The following PRIM2 variants were observed in gnomAD, a reference collection of about 807,000 sequenced individuals.
PRIM2 encodes DNA primase subunit 2, also known as DNA primase large subunit.
In PRIM2, 39 loss-of-function variants were observed where a neutral mutation model predicts 67.3. The observed-to-expected ratio is 0.58, with a 90% CI of 0.45 to 0.76. The LOEUF (loss-of-function observed/expected upper bound fraction) is 0.76. Among genes scored for constraint, PRIM2 ranks in the 30% least tolerant of loss-of-function variants. The pLI is 0.00. For missense variants in PRIM2, 398 were observed against 598.7 expected, an observed-to-expected ratio of 0.66 and a Z score of 3.50; for synonymous variants, 143 against 198.7, an observed-to-expected ratio of 0.72 and a Z score of 2.36.
At chr6:57,423,206 G>T (rs377326646) in intron 7 of PRIM2, among the ~76,000 whole-genome samples, 1 of 152,036 alleles carries the variant, frequency 6.6e-6, no homozygotes, top group South Asian at 2.1e-4. Flanking sequence ...AATAATTTAT[G>T]GTAGTTTTTT....
the PRIM2 span, among the ~76,000 whole-genome samples, chr6:57,274,040 G>A: frequency 2.0e-5 from 3 of 152,064 alleles, no homozygotes; most frequent in Non-Finnish European, 4.4e-5. Flanking sequence ...CGCCCCTACT[G>A]GGGGGTGCCT....
At chr6:57,264,897 CTTT>C in the PRIM2 span, among the ~76,000 whole-genome samples, 7 of 152,198 alleles carry the variant, frequency 4.6e-5, no homozygotes, top group East Asian at 9.7e-4. Context: ...GCGTCAAAAA[CTTT>C]TAAGAATGTA....
chr6:57,241,893 C>G, the PRIM2 span, among the ~76,000 whole-genome samples: 2 of 151,960 alleles, frequency 1.3e-5, no homozygotes, highest in Non-Finnish European at 1.5e-5. Flanking sequence ...AGGATGGTCT[C>G]GATCTCCTGA....
chr6:57,240,117 G>A, the PRIM2 span, among the ~76,000 whole-genome samples: 1 of 52,868 alleles, frequency 1.9e-5, no homozygotes, highest in African/African-American at 8.1e-5. Context: ...TTTTTTTTTT[G>A]AGACGGAGTT....
At chr6:57,280,779 T>C in the PRIM2 span, among the ~76,000 whole-genome samples, 2 of 152,182 alleles carry the variant, frequency 1.3e-5, no homozygotes, top group African/African-American at 4.8e-5. Context: ...AGTGCTGGGA[T>C]TACAGGCGTG....
intron 7 of PRIM2, chr6:57,383,508 G>C: frequency 6.7e-6 from 1 of 149,218 alleles, no homozygotes; most frequent in South Asian, 2.1e-4. Flanking sequence ...ATTTATGCCT[G>C]TGACAATGTC....
chr6:57,591,584 T>A (rs1462367568), intron 10 of PRIM2, among the ~76,000 whole-genome samples: 1 of 152,010 alleles, frequency 6.6e-6, no homozygotes, highest in African/African-American at 2.4e-5. Context: ...TTCTTGAAGG[T>A]AAGAAACACC....
intron 3 of PRIM2, among the ~76,000 whole-genome samples, chr6:57,323,056 G>C (rs952187419): frequency 4.6e-5 from 7 of 151,600 alleles, no homozygotes; most frequent in African/African-American, 1.7e-4. Context: ...TGTAAAATAA[G>C]ATTATAGTAG....
intron 7 of PRIM2, among the ~76,000 whole-genome samples, chr6:57,385,550 T>C (rs1353794522): frequency 6.6e-6 from 1 of 152,230 alleles, no homozygotes; most frequent in Non-Finnish European, 1.5e-5. Context: ...TATAAGTTAC[T>C]ACCATCTAAC....
intron 7 of PRIM2, among the ~76,000 whole-genome samples, chr6:57,384,439 T>C (rs1370455150): frequency 6.6e-6 from 1 of 152,202 alleles, no homozygotes; most frequent in Non-Finnish European, 1.5e-5. Flanking sequence ...AACTCCAGTG[T>C]GACCTCATTG....
At chr6:57,517,842 G>T (rs1774519461) in intron 8 of PRIM2, among the ~76,000 whole-genome samples, 1 of 152,068 alleles carries the variant, frequency 6.6e-6, no homozygotes, top group Non-Finnish European at 1.5e-5. Context: ...CTGTGGTAAG[G>T]ATTCCATGGA....
the PRIM2 span, among the ~76,000 whole-genome samples, chr6:57,287,899 G>A: frequency 3.9e-5 from 6 of 152,134 alleles, no homozygotes; most frequent in South Asian, 2.1e-4. Context: ...ACTGAAGTAC[G>A]TGGTTCATCT....
In PRIM2 at chr6:57,371,235, C is replaced by CTGA. The variant is rs1231553210; in HGVS notation, c.460-8663_460-8661dup. Among the ~76,000 whole-genome samples the CTGA allele has an allele frequency of 2.7e-5, 4 of 148,602 alleles. No homozygotes were observed. In the East Asian group the frequency reaches 8.2e-4, roughly 30 times the overall value. On this transcript the variant is annotated intron_variant, in intron 5 of 13. Coordinates refer to ENST00000615550, the MANE Select transcript of PRIM2 (RefSeq NM_000947.5). ...AGTATTCTGTTGTGTGGCAGTTGAA[C>CTGA]TGATGTGTGCTTCCCTGACATTTAC...
chr6:57,557,790 G>T (rs1359888022), intron 10 of PRIM2, among the ~76,000 whole-genome samples: 3 of 151,584 alleles, frequency 2.0e-5, no homozygotes, highest in African/African-American at 7.3e-5. Flanking sequence ...AAAAGAAAAA[G>T]ATATGACTTT....
intron 7 of PRIM2, among the ~76,000 whole-genome samples, chr6:57,441,639 T>G (rs1772207235): frequency 1.3e-5 from 2 of 152,202 alleles, no homozygotes; most frequent in African/African-American, 4.8e-5. Context: ...ATCATTAAGA[T>G]ATTATGACTG....
rs995312614 is a variant in PRIM2, at chr6:57,326,122, T to C, written c.459+77T>C. ...CTTCTGTCTTAAGTGCTGGTACTAA[T>C]GTGTAGTGTGTTCTCTTTACATTCT... On this transcript the variant is annotated intron_variant, in intron 5 of 13. Coordinates refer to ENST00000615550, the MANE Select transcript of PRIM2 (RefSeq NM_000947.5). 10 of 1,502,446 alleles carry C rather than the reference T, an allele frequency of 6.7e-6. No homozygotes were observed. In the African/African-American group the frequency reaches 9.8e-5, roughly 15 times the overall value. The allele number at this position is 1,502,446 out of a possible 1,614,324, so 93.1% of individuals were successfully genotyped here. A position where few individuals can be genotyped will look rare whatever the true frequency, so the allele number is the denominator to read the frequency against.
intron 7 of PRIM2, among the ~76,000 whole-genome samples, chr6:57,400,942 G>C (rs1770685627): frequency 6.6e-6 from 1 of 152,120 alleles, no homozygotes; most frequent in Non-Finnish European, 1.5e-5. Context: ...CTTGTATTGT[G>C]TTATTCAGCC....
intron 7 of PRIM2, among the ~76,000 whole-genome samples, chr6:57,457,505 G>A (rs1438895423): frequency 3.3e-5 from 5 of 152,138 alleles, no homozygotes; most frequent in African/African-American, 9.7e-5. Flanking sequence ...CCCTTCCCTA[G>A]GCTCGCTGCT....
At chr6:57,375,272 A>G (rs375870458) in intron 5 of PRIM2, among the ~76,000 whole-genome samples, 5,472 of 152,282 alleles carry the variant, frequency 0.036, 301 homozygotes, top group African/African-American at 0.12. Flanking sequence ...AGTTTTTAAC[A>G]TGAAGGGATG....
Sources: allele counts gnomAD v4.1 joint callset (sites outside exome capture counted in the v4.1 genomes callset), GRCh38; gene constraint gnomAD v4.1.1; transcripts MANE v1.5; gene names NCBI Gene and HGNC (gene_info 2026-07-23, HGNC 2026-07-21).